The following WNK3 variants were observed in gnomAD, a reference collection of about 807,000 sequenced individuals.
WNK3 encodes the protein WNK lysine deficient protein kinase 3.
WNK3 carries 18 observed loss-of-function variants against 116.7 expected under a neutral mutation model. The observed-to-expected ratio is 0.15, with a 90% CI of 0.11 to 0.23. The LOEUF (loss-of-function observed/expected upper bound fraction) is 0.23, where lower values mean the gene tolerates loss of function less well. WNK3 is among the 10% of genes least tolerant of loss of function. WNK3 has a pLI of 1.00. For missense variants in WNK3, 993 were observed against 1,323.8 expected, an observed-to-expected ratio of 0.75 and a Z score of 3.88; for synonymous variants, 404 against 469.4, an observed-to-expected ratio of 0.86 and a Z score of 1.80.
intron 1 of WNK3, among the ~76,000 whole-genome samples, chrX:54,341,457 C>A (rs2069323274): frequency 9.1e-6 from 1 of 109,770 alleles, no homozygotes; most frequent in African/African-American, 3.3e-5. Context: ...TGGTGGCACA[C>A]ACCTATAATC....
chrX:54,305,822 A>G (rs2068817785), intron 5 of WNK3, among the ~76,000 whole-genome samples: 2 of 110,671 alleles, frequency 1.8e-5, no homozygotes, highest in South Asian at 7.8e-4. Flanking sequence ...TTGGGAGGCC[A>G]AGGTGGGTAG....
intron 22 of WNK3, among the ~76,000 whole-genome samples, chrX:54,215,606 G>GTT (rs2067681206): frequency 9.0e-6 from 1 of 111,708 alleles, no homozygotes; most frequent in Non-Finnish European, 1.9e-5. Flanking sequence ...CTGCCCGGCC[G>GTT]CCACCCCGTC....
chrX:54,328,793 G>T (rs1377846168), intron 2 of WNK3, among the ~76,000 whole-genome samples: 9 of 111,197 alleles, frequency 8.1e-5, no homozygotes, highest in African/African-American at 2.6e-4. Context: ...AATCACCTAG[G>T]GAACTTTTTT....
intron 7 of WNK3, among the ~76,000 whole-genome samples, chrX:54,297,449 C>T (rs985142153): frequency 6.9e-4 from 75 of 109,265 alleles, no homozygotes; most frequent in Middle Eastern, 4.6e-3. Context: ...TGGTGGCAGG[C>T]GCCTGTAATC....
At chrX:54,278,633 G>A (rs782128597) in intron 10 of WNK3, among the ~76,000 whole-genome samples, 2 of 111,093 alleles carry the variant, frequency 1.8e-5, no homozygotes, top group African/African-American at 3.3e-5. Flanking sequence ...GCAATTGAAT[G>A]GAAGACAAGC....
Position 54,203,676 on chromosome X carries a change from G to A in WNK3, c.4871-1483C>T, listed in dbSNP as rs781888081. Among the ~76,000 whole-genome samples the A allele has an allele frequency of 1.2e-4, 13 of 110,994 alleles. No individual in the cohort carries two copies. The East Asian group carries it at 3.7e-3, about 32-fold the overall frequency. On this transcript the variant is annotated intron_variant, in intron 22 of 23. Transcript: ENST00000354646. Reference sequence around the variant, plus strand: ...AGATATCCTGACTGTCAGTTCAGTGGGCTTTCCGTTGTACTCCATCATAAA... The same window carrying A: ...AGATATCCTGACTGTCAGTTCAGTGAGCTTTCCGTTGTACTCCATCATAAA...
At chrX:54,253,212 G>T (rs1033233831) in intron 13 of WNK3, among the ~76,000 whole-genome samples, 3 of 106,762 alleles carry the variant, frequency 2.8e-5, no homozygotes, top group Non-Finnish European at 5.8e-5. Flanking sequence ...GAAAGAAAAA[G>T]AATTACCTGG....
At chrX:54,202,364 G>C (rs782018708) in intron 22 of WNK3, among the ~76,000 whole-genome samples, 171 bp from the exon 23 acceptor site, 3 of 111,639 alleles carry the variant, frequency 2.7e-5, no homozygotes, top group Non-Finnish European at 1.9e-5. Flanking sequence ...TGTTGTCCTG[G>C]AGTAATTGCT....
At chrX:54,198,012 C>T (rs2067462167) in exon 24 of WNK3, 1 of 170,786 alleles carries the variant, frequency 5.9e-6, no homozygotes, top group Admixed American at 8.3e-5. Context: ...TGGAAAGTGT[C>T]CTGGAAATGG....
intron 10 of WNK3, among the ~76,000 whole-genome samples, chrX:54,261,388 G>A (rs1270320350): frequency 2.7e-5 from 3 of 111,462 alleles, no homozygotes; most frequent in Non-Finnish European, 3.8e-5. Context: ...TAGCATCCTT[G>A]GATTTTGGTA....
rs532930141 is a variant in WNK3, at chrX:54,272,163, A to G, written c.2038-12825T>C. 8.9e-5 allele frequency among the ~76,000 whole-genome samples: 10 copies of G among 112,619 alleles called. No individual in the cohort carries two copies. The South Asian group carries it at 3.6e-3, about 41-fold the overall frequency. Reference sequence around the variant, plus strand: ...GAATATCTCTCTAGAGAAATCAGTTATAACTTTCTCGATTTTTACACAAAT... The same window carrying G: ...GAATATCTCTCTAGAGAAATCAGTTGTAACTTTCTCGATTTTTACACAAAT... On this transcript the variant is annotated intron_variant, in intron 10 of 23. Coordinates refer to ENST00000354646, the Ensembl canonical transcript of WNK3.
intron 5 of WNK3, among the ~76,000 whole-genome samples, chrX:54,305,214 T>A (rs2068810581): frequency 9.0e-6 from 1 of 110,531 alleles, no homozygotes; most frequent in South Asian, 3.9e-4. Flanking sequence ...AAAACATCAC[T>A]CCCTAACTAT....
intron 9 of WNK3, 35 bp from the exon 10 acceptor site, chrX:54,293,072 A>C: frequency 8.4e-7 from 1 of 1,195,029 alleles, no homozygotes; most frequent in Non-Finnish European, 1.1e-6. Context: ...ATTAAAGATA[A>C]ACTTTCCCAT....
chrX:54,325,751 G>A (rs1557173244), intron 2 of WNK3, among the ~76,000 whole-genome samples: 4 of 107,301 alleles, frequency 3.7e-5, no homozygotes, highest in African/African-American at 1.4e-4. Context: ...TAAATGTACT[G>A]GTGTAAGTAT....
chrX:54,293,983 C>A (rs2068669434), intron 8 of WNK3, among the ~76,000 whole-genome samples: 1 of 111,418 alleles, frequency 9.0e-6, no homozygotes, highest in African/African-American at 3.3e-5. Context: ...TTGAGACCAG[C>A]CTGGCCAATA....
chrX:54,239,163 A>AAC, intron 17 of WNK3, 64 bp from the exon 18 acceptor site: 33 of 821,648 alleles, frequency 4.0e-5, no homozygotes, highest in Non-Finnish European at 4.4e-5. Flanking sequence ...AACAACCGAG[A>AAC]AAAACCAAAG....
At chrX:54,325,679 C>CAAAA (rs57064020) in intron 2 of WNK3, among the ~76,000 whole-genome samples, 1 of 11,309 alleles carries the variant, frequency 8.8e-5, no homozygotes, top group Non-Finnish European at 2.3e-4. Flanking sequence ...AACTCCCTCT[C>CAAAA]AAAAAAAAAA....
At chrX:54,307,270 C>T (rs895019395) in intron 5 of WNK3, among the ~76,000 whole-genome samples, 1 of 109,335 alleles carries the variant, frequency 9.1e-6, no homozygotes, top group Admixed American at 9.9e-5. Flanking sequence ...AAAACCAATA[C>T]CTACTAATGT....
chrX:54,246,760 T>C (rs1196358250), intron 17 of WNK3, among the ~76,000 whole-genome samples: 1 of 111,921 alleles, frequency 8.9e-6, no homozygotes, highest in Non-Finnish European at 1.9e-5. Flanking sequence ...AGGCCCTCAG[T>C]TGCACTAGTC....
Sources: allele counts gnomAD v4.1 joint callset (sites outside exome capture counted in the v4.1 genomes callset), GRCh38; gene constraint gnomAD v4.1.1; transcripts MANE v1.5; gene names NCBI Gene and HGNC (gene_info 2026-07-23, HGNC 2026-07-21).